Variants in RUSC1 observed in about 807,000 individuals in gnomAD.
RUSC1 encodes the protein RUN and SH3 domain containing 1.
A neutral mutation model predicts 72.1 loss-of-function variants in RUSC1; 40 were observed. That is an observed-to-expected ratio of 0.55 (90% confidence interval 0.43 to 0.72). The LOEUF (loss-of-function observed/expected upper bound fraction) is 0.72. Ranked by LOEUF, RUSC1 falls within the 30% of genes least tolerant of loss-of-function variation. The pLI, the probability that RUSC1 is intolerant of heterozygous loss-of-function variation, is 0.00. For synonymous variants in RUSC1, 512 were observed against 494.2 expected (o/e 1.04, Z -0.48); for missense variants, 1,092 against 1,172.3 (o/e 0.93, Z 1.00).
Position 155,326,418 on chromosome 1 carries a change from C to A in RUSC1, c.1862-162C>A. 1.5e-6 allele frequency: 1 copy of A among 684,524 alleles called. No homozygotes were observed. Among genetic ancestry groups the A allele is most frequent in the Non-Finnish European group, 2.4e-6 (1 of 415,122 alleles). The allele number at this position is 684,524 out of a possible 1,614,324, so 42.4% of individuals were successfully genotyped here. On this transcript the variant is annotated intron_variant, in intron 7 of 9. Transcript: ENST00000368352. This position sits in a 1 kb window ranked among gnomAD's most constrained non-coding sequence, Gnocchi z 4.7. ...CTATTTGGGCTAGGTTCCATGCAGG[C>A]GGGGATGTCAGTCCTATAGCCCACC...
Position 155,322,204 on chromosome 1 carries a change from G to T in RUSC1, c.431G>T (p.Gly144Val). The T allele has an allele frequency of 6.2e-7, 1 of 1,609,916 alleles. No individual in the cohort carries two copies. The highest frequency in any genetic ancestry group is 1.3e-5 in the African/African-American group (1 of 74,954). ...PQPSIIPLEQGSPLASAGPGT... is the reference protein window; with the variant it reads ...PQPSIIPLEQVSPLASAGPGT... Reference sequence around the variant, plus strand: ...CCCAGTATCATCCCCCTGGAGCAGGGCTCCCCACTGGCTTCAGCAGGCCCT... The same window carrying T: ...CCCAGTATCATCCCCCTGGAGCAGGTCTCCCCACTGGCTTCAGCAGGCCCT... The change falls in exon 2 of 10, where the codon GGC (glycine) becomes GTC (valine). Residue 144 changes from glycine (G) to valine (V), a missense_variant. Transcript: ENST00000368352.
At chr1:155,327,233 T>G (rs375008114) in intron 8 of RUSC1, 101 bp downstream of exon 8, 1 of 1,248,118 alleles carries the variant, frequency 8.0e-7, no homozygotes, top group African/African-American at 1.5e-5. Context: ...GGGCAGAGAT[T>G]GGCGGTCTGT....
chr1:155,327,187 C>A, intron 8 of RUSC1, 55 bp downstream of exon 8: 4 of 1,500,884 alleles, frequency 2.7e-6, no homozygotes, highest in South Asian at 1.3e-5. Context: ...GATCTCCTAG[C>A]GGCTTCATTT....
Position 155,321,781 on chromosome 1 carries a change from C to G in RUSC1, c.8C>G (p.Ser3Cys). MLSPQRALLCNLN... is the reference protein window; with the variant it reads MLCPQRALLCNLN... ...CCCATCGCCGCTAGCATCATGCTGT[C>G]CCCTCAGAGAGCTTTACTCTGCAAC... The change falls in exon 2 of 10, where the codon TCC becomes TGC. Residue 3 changes from serine (S) to cysteine (C), a missense_variant. Coordinates refer to ENST00000368352, the MANE Select transcript of RUSC1 (RefSeq NM_001105203.2). The G allele has an allele frequency of 6.2e-7, 1 of 1,614,002 alleles. No homozygotes were observed. The highest frequency in any genetic ancestry group is 8.5e-7 in the Non-Finnish European group (1 of 1,180,016).
Position 155,328,236 on chromosome 1 carries a change from AGCTTGAG to A in RUSC1, c.2504_2510del (p.Leu835ProfsTer27). Reference sequence around the variant, plus strand: ...CCTCCCGAGATGCCTTCTCCTCAGGAGCTTGAGGCCTCAGCACCCAGGATGGTGCAAA... The same window carrying A: ...CCTCCCGAGATGCCTTCTCCTCAGGAGCCTCAGCACCCAGGATGGTGCAAA... On this transcript the variant is annotated frameshift_variant, in exon 9 of 10. Transcript: ENST00000368352. LOFTEE classifies it low-confidence loss of function (END_TRUNC). 1 of 1,613,438 alleles carries A rather than the reference AGCTTGAG, an allele frequency of 6.2e-7. No individual in the cohort carries two copies. Among genetic ancestry groups the A allele is most frequent in the Non-Finnish European group, 8.5e-7 (1 of 1,179,706 alleles).
chr1:155,326,019 C>G lies in RUSC1; in HGVS notation c.1861+109C>G. On this transcript the variant is annotated intron_variant, in intron 7 of 9. Coordinates refer to ENST00000368352, the MANE Select transcript of RUSC1 (RefSeq NM_001105203.2). This position sits in a 1 kb window ranked among gnomAD's most constrained non-coding sequence, Gnocchi z 4.7. Reference sequence around the variant, plus strand: ...CTGCCAGAATGCCATTAATCCAGATCTCCGATCTTATTACTCTTCTAATTA... The same window carrying G: ...CTGCCAGAATGCCATTAATCCAGATGTCCGATCTTATTACTCTTCTAATTA... The G allele has an allele frequency of 8.5e-7, 1 of 1,170,004 alleles. No homozygotes were observed. Among genetic ancestry groups the G allele is most frequent in the South Asian group, 1.2e-5 (1 of 80,828 alleles). The allele number at this position is 1,170,004 out of a possible 1,614,324, so 72.5% of individuals were successfully genotyped here. A position where few individuals can be genotyped will look rare whatever the true frequency, so the allele number is the denominator to read the frequency against.
In RUSC1 at chr1:155,322,857, T is replaced by C; in HGVS notation, c.1084T>C (p.Ser362Pro). Residue 362 changes from serine (S) to proline (P), a missense_variant, in exon 2 of 10, where the codon TCG becomes CCG. Coordinates refer to ENST00000368352, the MANE Select transcript of RUSC1 (RefSeq NM_001105203.2). ...LPPSGSPGGS[S>P]APPREVTTFK... is the part of the protein sequence containing the mutation. The stretch of plus-strand genomic sequence containing the variant: ...CCCCTCGGGGTCGCCGGGCGGCTCC[T>C]CGGCACCTCCTCGGGAAGTCACCAC... 6.2e-7 allele frequency: 1 copy of C among 1,612,574 alleles called. No homozygotes were observed. Among genetic ancestry groups the C allele is most frequent in the African/African-American group, 1.3e-5 (1 of 74,786 alleles).
Position 155,321,694 on chromosome 1 carries a change from A to T in RUSC1, c.-80A>T, listed in dbSNP as rs1024217577. The T allele has an allele frequency of 5.4e-5, 84 of 1,562,880 alleles. No individual in the cohort carries two copies. The highest frequency in any genetic ancestry group is 6.8e-5 in the African/African-American group (5 of 73,876). On this transcript the variant is annotated 5_prime_UTR_variant, in exon 2 of 10. Coordinates refer to ENST00000368352, the MANE Select transcript of RUSC1 (RefSeq NM_001105203.2). ...CACCACCTCTGTCTTCTAGGTCTGC[A>T]CCTGTGGTTGCCAGGTAGGTGGATG...
intron 9 of RUSC1, among the ~76,000 whole-genome samples, chr1:155,329,742 G>A (rs1359204801): frequency 6.7e-6 from 1 of 149,066 alleles, no homozygotes; most frequent in Admixed American, 6.7e-5. Flanking sequence ...ATCACCTGAA[G>A]TCAGGAATTC....
rs1400504146 is a variant in RUSC1, at chr1:155,323,002, GGAA to G, written c.1236_1238del (p.Lys412del). ...CCACCCCCGCCTGTCCCTCCCCGAAGGAAGAAGAACCGACCTGGACTGCAGCCC... is the reference window on the plus strand; with the variant it reads ...CCACCCCCGCCTGTCCCTCCCCGAAGGAAGAACCGACCTGGACTGCAGCCC... On this transcript the variant is annotated inframe_deletion, in exon 2 of 10. Transcript: ENST00000368352. 1 of 1,303,682 alleles carries G rather than the reference GGAA, an allele frequency of 7.7e-7. No individual in the cohort carries two copies. The highest frequency in any genetic ancestry group is 1.0e-6 in the Non-Finnish European group (1 of 983,948). 80.8% of individuals were successfully genotyped at this position (1,303,682 alleles called of 1,614,324 possible). A position where few individuals can be genotyped will look rare whatever the true frequency, so the allele number is the denominator to read the frequency against.
chr1:155,326,698 C>T lies in RUSC1; in HGVS notation c.1980C>T (p.His660=). ...AGCCATTGTCGGTGCTCACTTTCCA[C>T]CTGGACCTGCTCTTTGAGCACCACC... ...LLQPLSVLTF[H]LDLLFEHHHH... is the part of the protein sequence containing the mutation. The change falls in exon 8 of 10, where the codon CAC becomes CAT. Residue 660 remains histidine (H), a synonymous_variant. Transcript: ENST00000368352. The surrounding 1 kb of genome is among the most constrained non-coding windows in gnomAD (Gnocchi z 4.7). The T allele has an allele frequency of 6.2e-7, 1 of 1,613,676 alleles. No homozygotes were observed. The highest frequency in any genetic ancestry group is 8.5e-7 in the Non-Finnish European group (1 of 1,180,044).
rs932277496 is a variant in RUSC1, at chr1:155,324,199, G to A, written c.1358-646G>A. 5 of 1,406,642 alleles carry A rather than the reference G, an allele frequency of 3.6e-6. No homozygotes were observed. In the Middle Eastern group the frequency reaches 7.8e-4, roughly 220 times the overall value. 87.1% of individuals were successfully genotyped at this position (1,406,642 alleles called of 1,614,324 possible). A position where few individuals can be genotyped will look rare whatever the true frequency, so the allele number is the denominator to read the frequency against. On this transcript the variant is annotated intron_variant, in intron 2 of 9. Coordinates refer to ENST00000368352, the MANE Select transcript of RUSC1 (RefSeq NM_001105203.2). ...GCCTGCCCCCCGACCTTGCTAGGGA[G>A]GGGTGGAGGGTGAAGCTCCCGGGAG...
At position 155,322,424 on chromosome 1, in the gene RUSC1, T is replaced by TG; in HGVS notation, c.654dup (p.Lys219GlufsTer14). On this transcript the variant is annotated frameshift_variant, in exon 2 of 10. Coordinates refer to ENST00000368352, the MANE Select transcript of RUSC1 (RefSeq NM_001105203.2). LOFTEE classifies it high-confidence loss of function. ...CCTCTGAGCTCTTAGAGGCGGATGA[T>TG]GGGAAAATCGACGCTGGGAAAACGG... 1 of 1,614,120 alleles carries TG rather than the reference T, an allele frequency of 6.2e-7. No homozygotes were observed. Among genetic ancestry groups the TG allele is most frequent in the Non-Finnish European group, 8.5e-7 (1 of 1,179,996 alleles).
chr1:155,321,297 A>T (rs1553235766), intron 1 of RUSC1: 1 of 1,367,824 alleles, frequency 7.3e-7, no homozygotes, highest in East Asian at 4.5e-5. Context: ...CCCATCCTCC[A>T]CCTCCTTTCA....
Position 155,330,393 on chromosome 1 carries a change from C to G in RUSC1, c.2541-10C>G, listed in dbSNP as rs1246684186. ...ACCTCATCCCAGTATCTTCCTCTGG[C>G]TCCCCTCAGGGCAGTGCGGGCTCTC... On this transcript the variant is annotated splice_polypyrimidine_tract_variant and intron_variant, in intron 9 of 9. Coordinates refer to ENST00000368352, the MANE Select transcript of RUSC1 (RefSeq NM_001105203.2). 6.2e-7 allele frequency: 1 copy of G among 1,612,220 alleles called. No individual in the cohort carries two copies. Among genetic ancestry groups the G allele is most frequent in the African/African-American group, 1.3e-5 (1 of 74,868 alleles).
chr1:155,328,806 G>A (rs927264397), intron 9 of RUSC1, among the ~76,000 whole-genome samples: 3 of 152,016 alleles, frequency 2.0e-5, no homozygotes, highest in Admixed American at 6.6e-5. Flanking sequence ...CACCATGTTC[G>A]CCGGGATGGT....
intron 1 of RUSC1, chr1:155,321,388 A>T: frequency 7.2e-7 from 1 of 1,384,528 alleles, no homozygotes; most frequent in Non-Finnish European, 9.7e-7. Context: ...TTGCGGCAGC[A>T]GGGACCTGGA....
chr1:155,322,243 C>A lies in RUSC1; in HGVS notation c.470C>A (p.Pro157Gln). 4 of 1,613,090 alleles carry A rather than the reference C, an allele frequency of 2.5e-6. No individual in the cohort carries two copies. Among genetic ancestry groups the A allele is most frequent in the Non-Finnish European group, 3.4e-6 (4 of 1,179,282 alleles). The change falls in exon 2 of 10, where the codon CCG (proline) becomes CAG (glutamine). Residue 157 changes from proline to glutamine, a missense_variant. By Grantham distance (76) the Pro-to-Gln change is moderately conservative (BLOSUM62 -1). Transcript: ENST00000368352. ...TCAGCAGGCCCTGGCACCTGCTCAC[C>A]GGACAGCTTCTGCTGCTCTCCTGAT... is the stretch of plus-strand genomic sequence containing the variant. Reference protein sequence around the residue: ...LASAGPGTCSPDSFCCSPDSC... With the variant: ...LASAGPGTCSQDSFCCSPDSC...
At chr1:155,324,421 C>T (rs371345012) in intron 2 of RUSC1, 5 of 1,613,074 alleles carry the variant, frequency 3.1e-6, no homozygotes, top group Non-Finnish European at 3.4e-6. Context: ...TTGGTCCATG[C>T]CGCCCACGTG....
Sources: allele counts gnomAD v4.1 joint callset (sites outside exome capture counted in the v4.1 genomes callset), GRCh38; gene constraint gnomAD v4.1.1; non-coding constraint Gnocchi (gnomAD v3.1); transcripts MANE v1.5; gene names NCBI Gene and HGNC (gene_info 2026-07-23, HGNC 2026-07-21).